The following SCAPER variants were observed in gnomAD, a reference collection of about 807,000 sequenced individuals.
The protein encoded by SCAPER is S-phase cyclin A associated protein in the ER, also known as S phase cyclin A-associated protein in the endoplasmic reticulum.
A neutral mutation model predicts 182.2 loss-of-function variants in SCAPER; 98 were observed. That is an observed-to-expected ratio of 0.54 (90% CI 0.46 to 0.64). The LOEUF is 0.64. Ranked by LOEUF, SCAPER falls within the 30% of genes least tolerant of loss-of-function variation. The pLI, the probability that SCAPER is intolerant of heterozygous loss-of-function variation, is 0.00. For missense variants in SCAPER, 1,432 were observed against 1,690.0 expected (o/e 0.85, Z 2.68); for synonymous variants, 605 against 564.6 (o/e 1.07, Z -1.01).
At chr15:76,412,185 T>C (rs1326005110) in intron 26 of SCAPER, among the ~76,000 whole-genome samples, 2 of 152,182 alleles carry the variant, frequency 1.3e-5, no homozygotes, top group African/African-American at 4.8e-5. Context: ...TGATCAGAAA[T>C]CAACTGACGA....
chr15:76,745,414 A>C (rs1327372063), intron 15 of SCAPER, among the ~76,000 whole-genome samples: 1 of 152,160 alleles, frequency 6.6e-6, no homozygotes, highest in Non-Finnish European at 1.5e-5. Flanking sequence ...GCACCACTGC[A>C]CTCCAGCCTG....
intron 15 of SCAPER, 73 bp from the exon 16 acceptor site, chr15:76,733,457 A>T: frequency 6.5e-7 from 1 of 1,526,988 alleles, no homozygotes; most frequent in Non-Finnish European, 8.8e-7. Flanking sequence ...AAGAAATCTA[A>T]CAACAGTCAG....
At position 76,653,435 on chromosome 15, in the gene SCAPER, G is replaced by A. The variant is rs116252674; in HGVS notation, c.2645+12218C>T. Among the ~76,000 whole-genome samples the A allele has an allele frequency of 4.9e-3, 741 of 152,116 alleles. 7 individuals carry two copies. The highest frequency in any genetic ancestry group is 0.016 in the African/African-American group (654 of 41,518). On this transcript the variant is annotated intron_variant, in intron 21 of 31. Transcript: ENST00000563290. Reference sequence around the variant, plus strand: ...CAATCCTAAGCAAAAGAATAAAGCCGGAGAATCACACTACCCAACTTCAAG... The same window carrying A: ...CAATCCTAAGCAAAAGAATAAAGCCAGAGAATCACACTACCCAACTTCAAG...
chr15:76,587,585 TG>T (rs1298389058), intron 22 of SCAPER, among the ~76,000 whole-genome samples: 1 of 152,226 alleles, frequency 6.6e-6, no homozygotes, highest in East Asian at 1.9e-4. Flanking sequence ...TGTATTTGCA[TG>T]GTTTTGAAAA....
chr15:76,736,081 T>C (rs2061247405), intron 15 of SCAPER, among the ~76,000 whole-genome samples: 1 of 152,192 alleles, frequency 6.6e-6, no homozygotes, highest in Non-Finnish European at 1.5e-5. Context: ...ATAAACTGAG[T>C]ATCGCAATAA....
At chr15:76,479,171 A>T (rs2050898356) in intron 24 of SCAPER, among the ~76,000 whole-genome samples, 1 of 152,192 alleles carries the variant, frequency 6.6e-6, no homozygotes, top group African/African-American at 2.4e-5. Flanking sequence ...ATGAGGAAAA[A>T]AAAGGAGGAG....
chr15:76,795,461 A>G, intron 7 of SCAPER, 21 bp from the exon 8 acceptor site: 1 of 1,454,784 alleles, frequency 6.9e-7, no homozygotes, highest in South Asian at 1.5e-5. Context: ...AAATAAACAC[A>G]TTTAATAAAT....
chr15:76,569,178 T>A (rs545853691), intron 23 of SCAPER, among the ~76,000 whole-genome samples: 1 of 152,190 alleles, frequency 6.6e-6, no homozygotes, highest in South Asian at 2.1e-4. Context: ...ATTATTTTGC[T>A]ATAATTTTTT....
chr15:76,348,853 A>T, intron 31 of SCAPER, 117 bp from the exon 32 acceptor site: 1 of 613,956 alleles, frequency 1.6e-6, no homozygotes, highest in Non-Finnish European at 2.9e-6. Flanking sequence ...CACTTCAAAT[A>T]AACCATGACA....
At chr15:76,491,742 G>A (rs909567048) in intron 24 of SCAPER, among the ~76,000 whole-genome samples, 1 of 151,972 alleles carries the variant, frequency 6.6e-6, no homozygotes, top group African/African-American at 2.4e-5. Flanking sequence ...AGTGATTCTC[G>A]TGCCTCAGCC....
chr15:76,635,059 G>A (rs1396378363), intron 21 of SCAPER, among the ~76,000 whole-genome samples: 3 of 152,002 alleles, frequency 2.0e-5, no homozygotes, highest in Non-Finnish European at 4.4e-5. Flanking sequence ...AGACTGAAAC[G>A]TTTCTAATAT....
intron 21 of SCAPER, among the ~76,000 whole-genome samples, chr15:76,640,597 A>G (rs2054019843): frequency 6.6e-6 from 1 of 152,176 alleles, no homozygotes; most frequent in Admixed American, 6.5e-5. Context: ...TTCTGTGTAT[A>G]ATTTGTGCTA....
chr15:76,861,105 G>A (rs2071826770), intron 3 of SCAPER, among the ~76,000 whole-genome samples: 1 of 152,148 alleles, frequency 6.6e-6, no homozygotes, highest in Non-Finnish European at 1.5e-5. Flanking sequence ...GCTAACAAAT[G>A]CAGAAGGAAT....
At chr15:76,755,510 G>GA (rs2062367307) in intron 14 of SCAPER, among the ~76,000 whole-genome samples, 1 of 152,080 alleles carries the variant, frequency 6.6e-6, no homozygotes, top group Non-Finnish European at 1.5e-5. Flanking sequence ...AGAAGGTAAC[G>GA]AAAGAGTTCA....
intron 23 of SCAPER, among the ~76,000 whole-genome samples, chr15:76,564,666 T>A (rs569767358): frequency 3.0e-4 from 46 of 151,696 alleles, no homozygotes; most frequent in Non-Finnish European, 4.6e-4. Flanking sequence ...AAAAGAAAAA[T>A]TTTTTTTAAA....
intron 5 of SCAPER, among the ~76,000 whole-genome samples, chr15:76,840,417 CAAAAA>C (rs35131345): frequency 2.9e-5 from 3 of 103,288 alleles, no homozygotes; most frequent in East Asian, 4.8e-4. Context: ...AGACCTGCCT[CAAAAA>C]AAAAAAAAAA....
chr15:76,720,288 A>G (rs1319314863), intron 17 of SCAPER, among the ~76,000 whole-genome samples: 1 of 152,056 alleles, frequency 6.6e-6, no homozygotes, highest in Admixed American at 6.6e-5. Flanking sequence ...ATAGTATTCC[A>G]TGGTGTATAT....
intron 14 of SCAPER, among the ~76,000 whole-genome samples, chr15:76,762,081 A>C (rs558376847): frequency 6.6e-6 from 1 of 152,226 alleles, no homozygotes; most frequent in South Asian, 2.1e-4. Flanking sequence ...TGTTTTGTCT[A>C]AGTTTAGCCA....
chr15:76,461,228 C>G (rs1419611419), intron 25 of SCAPER, among the ~76,000 whole-genome samples: 1 of 151,874 alleles, frequency 6.6e-6, no homozygotes, highest in Non-Finnish European at 1.5e-5. Flanking sequence ...TCAGAGGGTA[C>G]TGACGTTGAC....
Sources: gnomAD v4.1 joint callset for allele counts (sites outside exome capture counted in the v4.1 genomes callset) on GRCh38, gnomAD v4.1.1 for gene constraint, MANE v1.5 for transcripts, NCBI Gene and HGNC (gene_info 2026-07-23, HGNC 2026-07-21) for gene names.